UBL7: variants seen among roughly 807,000 people sequenced by gnomAD.
UBL7 encodes ubiquitin-like protein 7.
Under a neutral mutation model 41.7 loss-of-function variants are expected in UBL7, and 21 were observed. The observed-to-expected ratio is 0.50, with a 90% confidence interval of 0.36 to 0.73. UBL7 has a LOEUF of 0.73. UBL7 is among the 30% of genes least tolerant of loss of function. The pLI, the probability that UBL7 is intolerant of heterozygous loss-of-function variation, is 0.00. For missense variants in UBL7, 403 were observed against 478.4 expected, an observed-to-expected ratio of 0.84 and a Z score of 1.47; for synonymous variants, 157 against 186.9, an observed-to-expected ratio of 0.84 and a Z score of 1.31.
At chr15:74,460,913 G>T in intron 1 of UBL7, 124 bp downstream of exon 1, 1 of 1,157,530 alleles carries the variant, frequency 8.6e-7, no homozygotes, top group South Asian at 1.7e-5. Context: ...TCCTCACAAC[G>T]GTTCCCTAAG....
At position 74,457,091 on chromosome 15, in the gene UBL7, C is replaced by T. The variant is rs548148414; in HGVS notation, c.185-420G>A. On this transcript the variant is annotated intron_variant, in intron 2 of 10. Coordinates refer to ENST00000395081, the MANE Select transcript of UBL7 (RefSeq NM_032907.5). ...CCTCACAAAGTGCTGGGATGACAGGCGTGAACCACCATGCCTAGCCAATTA... is the reference window on the plus strand; with the variant it reads ...CCTCACAAAGTGCTGGGATGACAGGTGTGAACCACCATGCCTAGCCAATTA... Among the ~76,000 whole-genome samples the T allele has an allele frequency of 2.0e-5, 3 of 152,318 alleles. No individual in the cohort carries two copies. In the South Asian group the frequency reaches 6.2e-4, roughly 32 times the overall value.
At chr15:74,456,018 C>G (rs1038602873) in intron 3 of UBL7, among the ~76,000 whole-genome samples, 1 of 151,584 alleles carries the variant, frequency 6.6e-6, no homozygotes, top group South Asian at 2.1e-4. Flanking sequence ...TCCCAGCTAC[C>G]TGGGAGGCTG....
intron 3 of UBL7, among the ~76,000 whole-genome samples, chr15:74,453,343 A>G (rs1440408662): frequency 6.6e-6 from 1 of 152,192 alleles, no homozygotes; most frequent in Non-Finnish European, 1.5e-5. Flanking sequence ...GAGAAATGAG[A>G]CTACATCAAA....
intron 2 of UBL7, among the ~76,000 whole-genome samples, chr15:74,457,771 A>G (rs2061308808): frequency 6.6e-6 from 1 of 151,312 alleles, no homozygotes; most frequent in South Asian, 2.1e-4. Context: ...TTCACACAGA[A>G]TCTATCCACA....
chr15:74,447,405 C>T (rs2061193944), intron 10 of UBL7, among the ~76,000 whole-genome samples: 1 of 152,140 alleles, frequency 6.6e-6, no homozygotes, highest in African/African-American at 2.4e-5. Context: ...CTTTCTCCTC[C>T]TTAAAGCCTC....
chr15:74,449,512 A>T, intron 8 of UBL7, 114 bp downstream of exon 8: 2 of 1,569,180 alleles, frequency 1.3e-6, no homozygotes, highest in Non-Finnish European at 1.8e-6. Flanking sequence ...TTGGCCCCCC[A>T]ATGGCGTATG....
chr15:74,460,522 C>T (rs2061338580), intron 1 of UBL7: 2 of 429,242 alleles, frequency 4.7e-6, no homozygotes, highest in South Asian at 4.1e-5. Flanking sequence ...GATTCAATAA[C>T]CTCAGTCCCC....
chr15:74,457,366 A>C (rs1952439837), intron 2 of UBL7, among the ~76,000 whole-genome samples: 2 of 152,088 alleles, frequency 1.3e-5, no homozygotes, highest in African/African-American at 4.8e-5. Context: ...CAAGATGGTA[A>C]ACCTCGTCTC....
chr15:74,458,638 A>G (rs778358692), intron 2 of UBL7, 46 bp downstream of exon 2: 2 of 1,543,552 alleles, frequency 1.3e-6, no homozygotes, highest in South Asian at 2.3e-5. Context: ...ATCCTCCCCC[A>G]AAAGAGATCA....
chr15:74,459,184 C>A (rs553576516), intron 1 of UBL7: 4 of 276,538 alleles, frequency 1.4e-5, no homozygotes, highest in African/African-American at 8.6e-5. Flanking sequence ...TTCTGTATGC[C>A]CCTTTTTCCA....
At chr15:74,447,818 G>C (rs183676659) in intron 10 of UBL7, among the ~76,000 whole-genome samples, 1 of 152,130 alleles carries the variant, frequency 6.6e-6, no homozygotes, top group Non-Finnish European at 1.5e-5. Flanking sequence ...GTAGGCTCCT[G>C]CTCTTTCTCT....
chr15:74,446,226 C>T lies in UBL7; in HGVS notation c.1007G>A (p.Ser336Asn). The change falls in exon 11 of 11, where the codon AGC (serine) becomes AAC (asparagine). Residue 336 changes from serine (S) to asparagine (N), a missense_variant and splice_region_variant. Physicochemically the swap from Ser to Asn is conservative, Grantham distance 46. Transcript: ENST00000395081. The surrounding 1 kb of genome is among the most constrained non-coding windows in gnomAD (Gnocchi z 4.1). ...LQASGQPSLQ[S>N]QWQPQLQQLR... ...CTGCTGCAGCTGGGGCTGCCACTGG[C>T]TCTGTGGAAAGATAGGAATGGGCAG... 6.2e-7 allele frequency: 1 copy of T among 1,613,764 alleles called. No homozygotes were observed. The highest frequency in any genetic ancestry group is 1.1e-5 in the South Asian group (1 of 91,074).
At position 74,446,069 on chromosome 15, in the gene UBL7, G is replaced by C. The variant is rs1371407584; in HGVS notation, c.*21C>G. On this transcript the variant is annotated 3_prime_UTR_variant, in exon 11 of 11. Coordinates refer to ENST00000395081, the MANE Select transcript of UBL7 (RefSeq NM_032907.5). The surrounding 1 kb of genome is among the most constrained non-coding windows in gnomAD (Gnocchi z 4.1). Reference sequence around the variant, plus strand: ...GCAGTAGCCTCTGCAACTTGCTGGGGGTTCAGGGGAAGCAGGGAGTTCATG... The same window carrying C: ...GCAGTAGCCTCTGCAACTTGCTGGGCGTTCAGGGGAAGCAGGGAGTTCATG... 3.1e-6 allele frequency: 5 copies of C among 1,612,152 alleles called. No individual in the cohort carries two copies. The highest frequency in any genetic ancestry group is 4.2e-6 in the Non-Finnish European group (5 of 1,179,052).
At chr15:74,451,561 C>A in intron 4 of UBL7, 41 bp from the exon 5 acceptor site, 1 of 1,533,990 alleles carries the variant, frequency 6.5e-7, no homozygotes, top group South Asian at 1.1e-5. Context: ...CCAACCAGCT[C>A]AATGTACTCA....
chr15:74,460,783 TAGAG>T (rs1463366405), intron 1 of UBL7: 2 of 1,269,680 alleles, frequency 1.6e-6, no homozygotes, highest in South Asian at 1.3e-5. Context: ...AGACCTCTGA[TAGAG>T]AAGAGGAAAG....
Position 74,461,075 on chromosome 15 carries a change from A to T in UBL7, c.-68T>A. The T allele has an allele frequency of 9.8e-7, 1 of 1,017,528 alleles. No individual in the cohort carries two copies. Among genetic ancestry groups the T allele is most frequent in the Non-Finnish European group, 1.2e-6 (1 of 847,194 alleles). 63.0% of individuals were successfully genotyped at this position (1,017,528 alleles called of 1,614,324 possible). ...CCAGCTACTTGGCTGACACACATCG[A>T]GCCCGCGCTGCCCAGGGCCCCAGCG... On this transcript the variant is annotated 5_prime_UTR_variant, in exon 1 of 11. Transcript: ENST00000395081.
At chr15:74,449,448 T>G in intron 8 of UBL7, 95 bp from the exon 9 acceptor site, 2 of 1,547,448 alleles carry the variant, frequency 1.3e-6, no homozygotes, top group Non-Finnish European at 8.8e-7. Context: ...GGGGAAACTC[T>G]TAAGTTCCCA....
chr15:74,458,939 A>ACT, intron 1 of UBL7, 43 bp from the exon 2 acceptor site: 1 of 1,562,962 alleles, frequency 6.4e-7, no homozygotes, highest in Admixed American at 1.7e-5. Flanking sequence ...ACAGACCACC[A>ACT]CTCTACTCCA....
chr15:74,446,416 C>T lies in UBL7; in HGVS notation c.1006-189G>A, dbSNP rs770919350. 2.6e-5 allele frequency among the ~76,000 whole-genome samples: 4 copies of T among 152,268 alleles called. No homozygotes were observed. The South Asian group carries it at 6.2e-4, about 24-fold the overall frequency. ...GGCTTGAGGGTTAAGAGAACAAATC[C>T]AAAGTTTTACAATAAAAAAAGGAAA... On this transcript the variant is annotated intron_variant, in intron 10 of 10. Transcript: ENST00000395081. The surrounding 1 kb of genome is among the most constrained non-coding windows in gnomAD (Gnocchi z 4.1).
Sources: allele counts gnomAD v4.1 joint callset (sites outside exome capture counted in the v4.1 genomes callset), GRCh38; gene constraint gnomAD v4.1.1; non-coding constraint Gnocchi (gnomAD v3.1); transcripts MANE v1.5; gene names NCBI Gene and HGNC (gene_info 2026-07-23, HGNC 2026-07-21).